The following KCNIP4 variants were observed in gnomAD, a reference collection of about 807,000 sequenced individuals.
KCNIP4 encodes potassium voltage-gated channel interacting protein 4.
A neutral mutation model predicts 34.0 loss-of-function variants in KCNIP4; 12 were observed. The ratio of observed to expected loss-of-function variants is 0.35; its 90% CI spans 0.23 to 0.57. KCNIP4 has a LOEUF of 0.57. Ranked by LOEUF, KCNIP4 falls within the 20% of genes least tolerant of loss-of-function variation. The probability of loss-of-function intolerance (pLI) is 0.83; values close to 1 mark genes in which losing one functional copy is unlikely to be tolerated. For synonymous variants in KCNIP4, 124 were observed against 102.2 expected, an observed-to-expected ratio of 1.21 and a Z score of -1.29; for missense variants, 238 against 311.7, an observed-to-expected ratio of 0.76 and a Z score of 1.78.
intron 1 of KCNIP4, among the ~76,000 whole-genome samples, chr4:21,703,332 T>C (rs934908844): frequency 6.6e-6 from 1 of 152,138 alleles, no homozygotes; most frequent in Non-Finnish European, 1.5e-5. Flanking sequence ...GATAAGATGA[T>C]TTTCTACATA....
intron 1 of KCNIP4, among the ~76,000 whole-genome samples, chr4:21,345,972 G>GTGTCA (rs1442206074): frequency 6.7e-6 from 1 of 149,022 alleles, no homozygotes; most frequent in African/African-American, 2.5e-5. Context: ...CCTGGGTAGA[G>GTGTCA]GTCCACAGTG....
At chr4:21,879,982 C>A (rs1726371957) in intron 1 of KCNIP4, among the ~76,000 whole-genome samples, 1 of 152,100 alleles carries the variant, frequency 6.6e-6, no homozygotes, top group Non-Finnish European at 1.5e-5. Flanking sequence ...GTTTGCTTTC[C>A]CTTCCACCAT....
At chr4:21,569,453 G>T (rs1740195840) in intron 1 of KCNIP4, among the ~76,000 whole-genome samples, 1 of 151,866 alleles carries the variant, frequency 6.6e-6, no homozygotes, top group Non-Finnish European at 1.5e-5. Flanking sequence ...AGAATATTAT[G>T]AATTTGAGGA....
At chr4:21,934,372 G>A (rs1729733318) in intron 1 of KCNIP4, among the ~76,000 whole-genome samples, 1 of 151,888 alleles carries the variant, frequency 6.6e-6, no homozygotes, top group Non-Finnish European at 1.5e-5. Context: ...AACCCCTCAA[G>A]CATTTAATGG....
rs1159853232 is a variant in KCNIP4, at chr4:21,398,820, T to C, written c.62-516111A>G. 2.0e-5 allele frequency among the ~76,000 whole-genome samples: 3 copies of C among 152,312 alleles called. No homozygotes were observed. In the South Asian group the frequency reaches 6.2e-4, roughly 32 times the overall value. ...TCCTTCTTGCTATCATTCATAGCGC[T>C]AGAGAATTTTAGACTAGAAAAGACT... On this transcript the variant is annotated intron_variant, in intron 1 of 8. Transcript: ENST00000382152.
intron 1 of KCNIP4, among the ~76,000 whole-genome samples, chr4:21,914,910 A>G (rs1728540951): frequency 6.6e-6 from 1 of 152,160 alleles, no homozygotes; most frequent in Admixed American, 6.5e-5. Context: ...AATTACATAC[A>G]GGGCTTAAAG....
At chr4:21,105,980 C>G (rs935284102) in intron 1 of KCNIP4, among the ~76,000 whole-genome samples, 2 of 151,374 alleles carry the variant, frequency 1.3e-5, no homozygotes, top group South Asian at 4.2e-4. Context: ...TTTTGATGTG[C>G]TGCTGGATTC....
chr4:21,205,096 C>T (rs977698399), intron 1 of KCNIP4, among the ~76,000 whole-genome samples: 2 of 152,118 alleles, frequency 1.3e-5, no homozygotes, highest in African/African-American at 2.4e-5. Flanking sequence ...CAAGAATGCA[C>T]GGAGGAATAA....
intron 1 of KCNIP4, among the ~76,000 whole-genome samples, chr4:21,599,545 C>A (rs1176889552): frequency 1.3e-5 from 2 of 152,060 alleles, no homozygotes; most frequent in South Asian, 4.1e-4. Context: ...GACTTTTTTA[C>A]ATGCAAACAT....
At chr4:21,331,022 T>C (rs978451165) in intron 1 of KCNIP4, among the ~76,000 whole-genome samples, 2 of 152,196 alleles carry the variant, frequency 1.3e-5, no homozygotes, top group African/African-American at 4.8e-5. Flanking sequence ...TGTGTCCTAC[T>C]CTTCTATTGA....
At chr4:21,779,767 G>A (rs2109210055) in intron 1 of KCNIP4, among the ~76,000 whole-genome samples, 1 of 151,956 alleles carries the variant, frequency 6.6e-6, no homozygotes, top group Middle Eastern at 3.4e-3. Context: ...GCCAGGCATG[G>A]CATTAAAAAA....
intron 1 of KCNIP4, among the ~76,000 whole-genome samples, chr4:21,397,005 A>G (rs1723065169): frequency 6.6e-6 from 1 of 152,242 alleles, no homozygotes; most frequent in African/African-American, 2.4e-5. Flanking sequence ...AGAATCTCAC[A>G]ACATCTTTTC....
intron 1 of KCNIP4, among the ~76,000 whole-genome samples, chr4:21,928,442 A>T (rs1729391345): frequency 6.6e-6 from 1 of 152,182 alleles, no homozygotes; most frequent in African/African-American, 2.4e-5. Context: ...TGACAACTGG[A>T]TGAATGTTTT....
At chr4:21,923,777 C>A (rs182485975) in intron 1 of KCNIP4, among the ~76,000 whole-genome samples, 1 of 152,080 alleles carries the variant, frequency 6.6e-6, no homozygotes, top group African/African-American at 2.4e-5. Context: ...TTTTACAAAC[C>A]TCCTGGAATT....
At chr4:21,125,574 G>C (rs1750549606) in intron 1 of KCNIP4, among the ~76,000 whole-genome samples, 1 of 152,072 alleles carries the variant, frequency 6.6e-6, no homozygotes, top group Admixed American at 6.6e-5. Flanking sequence ...AATTCATCAG[G>C]TCTGGGGTAG....
chr4:20,818,201 C>A (rs1716652985), intron 3 of KCNIP4, among the ~76,000 whole-genome samples: 1 of 152,174 alleles, frequency 6.6e-6, no homozygotes. Flanking sequence ...AAAATGATGT[C>A]TCCAATACCA....
intron 1 of KCNIP4, among the ~76,000 whole-genome samples, chr4:21,144,532 T>C (rs1752210578): frequency 6.6e-6 from 1 of 152,060 alleles, no homozygotes; most frequent in South Asian, 2.1e-4. Flanking sequence ...AAACCAAAAC[T>C]CAGGCACATC....
At chr4:20,953,161 T>C (rs1732951915) in intron 1 of KCNIP4, among the ~76,000 whole-genome samples, 1 of 152,244 alleles carries the variant, frequency 6.6e-6, no homozygotes, top group Admixed American at 6.5e-5. Context: ...TCTTTGTCTG[T>C]TTGACTCAAC....
intron 1 of KCNIP4, among the ~76,000 whole-genome samples, chr4:21,477,557 A>T (rs1317625755): frequency 2.0e-5 from 3 of 152,192 alleles, no homozygotes; most frequent in African/African-American, 4.8e-5. Context: ...GGGCAAAATC[A>T]GTAGCCTTGC....
Sources: gnomAD v4.1 joint callset for allele counts (sites outside exome capture counted in the v4.1 genomes callset) on GRCh38, gnomAD v4.1.1 for gene constraint, MANE v1.5 for transcripts, NCBI Gene and HGNC (gene_info 2026-07-23, HGNC 2026-07-21) for gene names.